LZTS2: variants seen among roughly 807,000 people sequenced by gnomAD.
LZTS2 encodes leucine zipper putative tumor suppressor 2.
Under a neutral mutation model 60.6 loss-of-function variants are expected in LZTS2, and 32 were observed. The observed-to-expected ratio is 0.53, with a 90% CI of 0.40 to 0.71. The LOEUF (loss-of-function observed/expected upper bound fraction) is 0.71, where lower values mean the gene tolerates loss of function less well. LZTS2 is among the 30% of genes least tolerant of loss of function. The pLI is 0.00. For missense variants in LZTS2, 792 were observed against 901.9 expected (o/e 0.88, Z 1.56); for synonymous variants, 360 against 393.1 (o/e 0.92, Z 1.00).
chr10:101,003,388 G>T, intron 1 of LZTS2, 119 bp from the exon 3 acceptor site: 1 of 1,073,168 alleles, frequency 9.3e-7, no homozygotes. Context: ...TCCACCAGTG[G>T]CCGCAATTGT....
upstream of LZTS2, among the ~76,000 whole-genome samples, chr10:100,997,442 G>A (rs371836505): frequency 3.3e-5 from 5 of 152,294 alleles, no homozygotes; most frequent in African/African-American, 9.6e-5. Flanking sequence ...ACCCACGCCC[G>A]CACTTGGGAC....
chr10:101,002,478 AC>A lies in LZTS2; in HGVS notation c.-59del. On this transcript the variant is annotated 5_prime_UTR_variant, in exon 1 of 4. Transcript: ENST00000370220. Reference sequence around the variant, plus strand: ...GGTCTCAAGGTGGAGGGACTCTGACACCACTGCCCTGCTTACAGGTCGCCTG... The same window carrying A: ...GGTCTCAAGGTGGAGGGACTCTGACACACTGCCCTGCTTACAGGTCGCCTG... 6.8e-7 allele frequency: 1 copy of A among 1,467,534 alleles called. No individual in the cohort carries two copies. Among genetic ancestry groups the A allele is most frequent in the Non-Finnish European group, 9.0e-7 (1 of 1,107,316 alleles). 90.9% of individuals were successfully genotyped at this position (1,467,534 alleles called of 1,614,324 possible).
upstream of LZTS2, among the ~76,000 whole-genome samples, chr10:100,997,842 C>T (rs575948504): frequency 6.6e-6 from 1 of 152,324 alleles, no homozygotes; most frequent in South Asian, 2.1e-4. Flanking sequence ...TCCCGGGAAC[C>T]GGAGCACAGC....
chr10:101,004,354 C>T (rs1852123804), intron 2 of LZTS2, among the ~76,000 whole-genome samples, 188 bp downstream of exon 3: 1 of 152,192 alleles, frequency 6.6e-6, no homozygotes, highest in Non-Finnish European at 1.5e-5. Flanking sequence ...CATCTGTAAT[C>T]CCAGCACTTT....
At chr10:101,005,247 C>T (rs1470815492) in intron 2 of LZTS2, among the ~76,000 whole-genome samples, 1 of 152,034 alleles carries the variant, frequency 6.6e-6, no homozygotes, top group Non-Finnish European at 1.5e-5. Flanking sequence ...AGTGATCCAC[C>T]CACCTCGCGT....
rs748254269 is a variant in LZTS2 at position 101,005,545 on chromosome 10, G to A, written c.1156G>A (p.Ala386Thr). The change falls in exon 3 of 4, where the codon GCC (alanine) becomes ACC (threonine). Residue 386 changes from alanine to threonine, a missense_variant. Transcript: ENST00000370220. ...GGCCCAGGCACAGCGGGCACAGCGG[G>A]CCCAACAGCTGCTGCAGCTGCAGGT... is the stretch of plus-strand genomic sequence containing the variant. 3.7e-5 allele frequency: 60 copies of A among 1,608,544 alleles called. No homozygotes were observed. The highest frequency in any genetic ancestry group is 3.3e-4 in the Middle Eastern group (2 of 6,080).
At chr10:101,005,758 A>G in intron 3 of LZTS2, 43 bp downstream of exon 4, 1 of 1,473,994 alleles carries the variant, frequency 6.8e-7, no homozygotes, top group Non-Finnish European at 9.0e-7. Flanking sequence ...TCACACAGGG[A>G]GAAACCCTGG....
At chr10:101,003,973 G>C (rs1852108140) in exon 2 of LZTS2, 1 of 1,611,992 alleles carries the variant, frequency 6.2e-7, no homozygotes, top group Non-Finnish European at 8.5e-7. Context: ...GTGGCTGGGG[G>C]GCTTTTGGGC....
chr10:101,007,278 C>T, exon 4 of LZTS2: 1 of 1,426,390 alleles, frequency 7.0e-7, no homozygotes, highest in Non-Finnish European at 9.1e-7. Flanking sequence ...GCCCCAAAGC[C>T]ACTTGTCTCC....
At chr10:100,997,144 G>A (rs1463899620), upstream of LZTS2, 2 of 152,670 alleles carry the variant, frequency 1.3e-5, no homozygotes, top group Admixed American at 1.3e-4. Context: ...GTTCGGAGCC[G>A]GCTAGGGAGC....
chr10:101,004,265 G>T, intron 2 of LZTS2, 99 bp downstream of exon 3: 1 of 1,337,602 alleles, frequency 7.5e-7, no homozygotes. Flanking sequence ...CGGGGGTTGG[G>T]TAGTTGTAGT....
exon 4 of LZTS2, chr10:101,006,614 C>A: frequency 1.2e-6 from 2 of 1,601,558 alleles, no homozygotes; most frequent in Non-Finnish European, 1.7e-6. Flanking sequence ...TGCTACGCTG[C>A]GGGTCAGTGA....
intron 1 of LZTS2, 86 bp from the exon 3 acceptor site, chr10:101,003,421 A>G (rs1373300972): frequency 7.2e-7 from 1 of 1,389,334 alleles, no homozygotes; most frequent in Non-Finnish European, 9.6e-7. Context: ...GGCACTGGGG[A>G]CCCAAGACGG....
At chr10:100,996,611 G>A (rs1249657581), upstream of LZTS2, 1 of 152,308 alleles carries the variant, frequency 6.6e-6, no homozygotes, top group Non-Finnish European at 1.5e-5. Flanking sequence ...TGCTCACCTG[G>A]GCAGATACCT....
At chr10:101,006,502 C>A in exon 4 of LZTS2, 1 of 1,609,834 alleles carries the variant, frequency 6.2e-7, no homozygotes, top group Non-Finnish European at 8.5e-7. Flanking sequence ...AGAAATCAGG[C>A]GAGATCTCCC....
Position 101,003,559 on chromosome 10 carries a change from A to G in LZTS2, c.461A>G (p.Lys154Arg), listed in dbSNP as rs763972452. 2.0e-5 allele frequency: 31 copies of G among 1,547,278 alleles called. 1 individual carries two copies. In the South Asian group the frequency reaches 3.2e-4, roughly 16 times the overall value. Residue 154 changes from lysine to arginine, a missense_variant, in exon 2 of 4, where the codon AAA (lysine) becomes AGA (arginine). Physicochemically the swap from Lys to Arg is conservative, Grantham distance 26 (BLOSUM62 2). Transcript: ENST00000370220. Reference sequence around the variant, plus strand: ...ACAGCCTTCAAGCCAGTGCTGCCCAAACCTCGAGGGGCTCCGTCCCTGCCT... The same window carrying G: ...ACAGCCTTCAAGCCAGTGCTGCCCAGACCTCGAGGGGCTCCGTCCCTGCCT...
exon 4 of LZTS2, chr10:101,006,566 G>A (rs1400120292): frequency 3.7e-6 from 6 of 1,611,188 alleles, no homozygotes; most frequent in South Asian, 1.1e-5. Context: ...GAAGGGCAGC[G>A]AGCTGGTGGC....
exon 3 of LZTS2, chr10:101,005,565 G>T (rs1852155971): frequency 6.2e-7 from 1 of 1,610,248 alleles, no homozygotes; most frequent in Non-Finnish European, 8.5e-7. Flanking sequence ...TGCTGCAGCT[G>T]CAGGTGTTCC....
Position 101,005,685 on chromosome 10 carries a change from C to G in LZTS2, c.1296C>G (p.Leu432=), listed in dbSNP as rs749872733. The G allele has an allele frequency of 5.6e-6, 9 of 1,598,426 alleles. No individual in the cohort carries two copies. In the African/African-American group the frequency reaches 1.2e-4, roughly 21 times the overall value. Residue 432 remains leucine, a synonymous_variant, in exon 3 of 4, where the codon CTC becomes CTG. Coordinates refer to ENST00000370220, the Ensembl canonical transcript of LZTS2. ...CCTTGGAGCGGGAGCAGCGGGAGCT[C>G]GGGCCGAGGCTTGAGGAGACCAAGT...
Sources: allele counts gnomAD v4.1 joint callset (sites outside exome capture counted in the v4.1 genomes callset), GRCh38; gene constraint gnomAD v4.1.1; transcripts MANE v1.5; gene names NCBI Gene and HGNC (gene_info 2026-07-23, HGNC 2026-07-21).